Variants in PTPRN2 observed in about 807,000 individuals in gnomAD.
PTPRN2 encodes protein tyrosine phosphatase receptor type N2, also known as receptor-type tyrosine-protein phosphatase N2.
A neutral mutation model predicts 118.8 loss-of-function variants in PTPRN2; 74 were observed. That is an observed-to-expected ratio of 0.62 (90% CI 0.52 to 0.76). The LOEUF (loss-of-function observed/expected upper bound fraction) is 0.76. PTPRN2 is among the 30% of genes least tolerant of loss of function. PTPRN2 has a pLI of 0.00. For missense variants in PTPRN2, 1,481 were observed against 1,394.4 expected, an observed-to-expected ratio of 1.06 and a Z score of -0.99; for synonymous variants, 641 against 608.0, an observed-to-expected ratio of 1.05 and a Z score of -0.80.
intron 2 of PTPRN2, among the ~76,000 whole-genome samples, chr7:158,325,719 C>T (rs1803450324): frequency 6.6e-6 from 1 of 152,110 alleles, no homozygotes; most frequent in Non-Finnish European, 1.5e-5. Flanking sequence ...GAGAGACACC[C>T]GGCAAACCAC....
At chr7:157,605,404 C>T (rs188960173) in intron 15 of PTPRN2, among the ~76,000 whole-genome samples, 89 of 152,342 alleles carry the variant, frequency 5.8e-4, no homozygotes, top group African/African-American at 2.0e-3. Context: ...GGCCTAGCTC[C>T]GGGAGCTCCC....
At chr7:157,949,048 G>A (rs965606771) in intron 11 of PTPRN2, among the ~76,000 whole-genome samples, 2 of 152,198 alleles carry the variant, frequency 1.3e-5, no homozygotes, top group Admixed American at 1.3e-4. Context: ...GGGGGCGGGT[G>A]TCTTAGAACC....
chr7:158,027,265 G>C (rs1302267883), intron 11 of PTPRN2: 2 of 152,362 alleles, frequency 1.3e-5, no homozygotes, highest in East Asian at 3.9e-4. Context: ...AAGCCACCTC[G>C]TCTCCTGGCT....
At chr7:158,078,905 T>TGA (rs200358786) in intron 11 of PTPRN2, among the ~76,000 whole-genome samples, 1,830 of 152,332 alleles carry the variant, frequency 0.012, 20 homozygotes, top group East Asian at 0.058. Context: ...TGGAGTCCAG[T>TGA]GATGCAATCT....
At chr7:158,192,656 G>A (rs535853921) in intron 4 of PTPRN2, among the ~76,000 whole-genome samples, 161 bp from the exon 5 acceptor site, 163 of 152,246 alleles carry the variant, frequency 1.1e-3, no homozygotes, top group African/African-American at 3.7e-3. Context: ...AACTTCTCCC[G>A]GGCCCCCGAG....
intron 12 of PTPRN2, among the ~76,000 whole-genome samples, chr7:157,710,712 G>A (rs1044044521): frequency 2.0e-5 from 3 of 152,212 alleles, no homozygotes; most frequent in Non-Finnish European, 4.4e-5. Flanking sequence ...GGTGCCTACT[G>A]CCTGCCGCCT....
At chr7:158,430,857 C>G (rs1816117451) in intron 2 of PTPRN2, among the ~76,000 whole-genome samples, 1 of 152,212 alleles carries the variant, frequency 6.6e-6, no homozygotes, top group Non-Finnish European at 1.5e-5. Flanking sequence ...GAAGAGCCCC[C>G]CACACTCTCA....
In PTPRN2 at chr7:157,576,619, A is replaced by T; in HGVS notation, c.2777T>A (p.Phe926Tyr). The T allele has an allele frequency of 6.2e-7, 1 of 1,610,030 alleles. No individual in the cohort carries two copies. Among genetic ancestry groups the T allele is most frequent in the South Asian group, 1.1e-5 (1 of 90,340 alleles). The part of the protein sequence containing the change: ...VPSSSRSLLD[F>Y]RRKVNKCYRG... ...GGCGGGCCGCGCGTCATACCTGCGGAAGTCCAGGAGGGACCTTGAGGAGGA... is the reference window on the plus strand; with the variant it reads ...GGCGGGCCGCGCGTCATACCTGCGGTAGTCCAGGAGGGACCTTGAGGAGGA... The change falls in exon 19 of 23, where the codon TTC (phenylalanine) becomes TAC (tyrosine). Residue 926 changes from phenylalanine to tyrosine, a missense_variant. Physicochemically the swap from Phe to Tyr is conservative, Grantham distance 22. This residue lies in a region of PTPRN2 where 362 missense variants were observed against 384.1 expected (regional missense o/e 0.94). Transcript: ENST00000389418.
intron 3 of PTPRN2, among the ~76,000 whole-genome samples, chr7:158,311,854 CACA>C (rs1206964194): frequency 1.3e-5 from 2 of 150,522 alleles, no homozygotes; most frequent in African/African-American, 4.9e-5. Context: ...CACACACACT[CACA>C]TGCTCATGTG....
chr7:157,726,392 T>C (rs201167702), intron 12 of PTPRN2, among the ~76,000 whole-genome samples: 1 of 123,198 alleles, frequency 8.1e-6, no homozygotes. Context: ...CAGAGGAGTG[T>C]GGCCAGACCC....
intron 12 of PTPRN2, among the ~76,000 whole-genome samples, chr7:157,705,415 T>C (rs567253091): frequency 3.9e-5 from 6 of 152,328 alleles, no homozygotes; most frequent in African/African-American, 1.4e-4. Context: ...AGGCAGGGTA[T>C]GAATTGAGTG....
chr7:158,438,706 C>G lies in PTPRN2; in HGVS notation c.163+51029G>C, dbSNP rs1816762637. Reference sequence around the variant, plus strand: ...TGTGAAAATACACTTTAGGCTGATGCCCAGCTGATTAGCATATAGGGTTTA... The same window carrying G: ...TGTGAAAATACACTTTAGGCTGATGGCCAGCTGATTAGCATATAGGGTTTA... On this transcript the variant is annotated intron_variant, in intron 2 of 22. Transcript: ENST00000389418. This position sits in a 1 kb window ranked among gnomAD's most constrained non-coding sequence, Gnocchi z 4.7. Among the ~76,000 whole-genome samples, 1 of 152,186 alleles carries G rather than the reference C, an allele frequency of 6.6e-6. No individual in the cohort carries two copies.
chr7:158,164,287 G>C (rs771525268), intron 6 of PTPRN2, among the ~76,000 whole-genome samples: 1 of 150,976 alleles, frequency 6.6e-6, no homozygotes, highest in Admixed American at 6.6e-5. Context: ...GAGCGCGTGC[G>C]TAGGAAGGGC....
chr7:157,795,394 C>G (rs1804807643), intron 12 of PTPRN2, among the ~76,000 whole-genome samples: 1 of 152,256 alleles, frequency 6.6e-6, no homozygotes, highest in African/African-American at 2.4e-5. Context: ...CATGGGGCCT[C>G]AGCACCGTCT....
rs1157027832 is a variant in PTPRN2, at chr7:158,003,248, AC to A, written c.1723+78049del. Among the ~76,000 whole-genome samples, 1 of 151,656 alleles carries A rather than the reference AC, an allele frequency of 6.6e-6. No individual in the cohort carries two copies. The highest frequency in any genetic ancestry group is 2.4e-5 in the African/African-American group (1 of 41,256). On this transcript the variant is annotated intron_variant, in intron 11 of 22. Transcript: ENST00000389418. This position sits in a 1 kb window ranked among gnomAD's most constrained non-coding sequence, Gnocchi z 5.0. ...GCTAACACGGTGAAACCCCGTTTCT[AC>A]TAAAAATACAAAAAATTAGCCGGGC... is the stretch of plus-strand genomic sequence containing the variant.
At chr7:158,267,346 T>C (rs11763648) in intron 3 of PTPRN2, among the ~76,000 whole-genome samples, 35,530 of 151,894 alleles carry the variant, frequency 0.23, 4,389 homozygotes, top group Middle Eastern at 0.31. Flanking sequence ...CACAGCAACC[T>C]TGTTAGAAGG....
At chr7:158,564,518 C>T (rs1827561208) in intron 1 of PTPRN2, among the ~76,000 whole-genome samples, 2 of 152,274 alleles carry the variant, frequency 1.3e-5, no homozygotes, top group African/African-American at 4.8e-5. Context: ...GCTCCTGAAG[C>T]ATGGAACCAA....
At position 157,909,390 on chromosome 7, in the gene PTPRN2, G is replaced by A. The variant is rs59648049; in HGVS notation, c.1724-10653C>T. 7.9e-5 allele frequency among the ~76,000 whole-genome samples: 12 copies of A among 152,324 alleles called. No homozygotes were observed. In the South Asian group the frequency reaches 8.3e-4, roughly 11 times the overall value. ...ACAGGGGCTGACTCTATACACTGGG[G>A]GGGGGAGGATGCTGGCCACTCAACA... is the stretch of plus-strand genomic sequence containing the variant. On this transcript the variant is annotated intron_variant, in intron 11 of 22. Transcript: ENST00000389418.
chr7:158,301,843 G>A (rs191268940), intron 3 of PTPRN2, among the ~76,000 whole-genome samples: 60 of 152,294 alleles, frequency 3.9e-4, no homozygotes, highest in African/African-American at 1.4e-3. Context: ...TCAACTACTT[G>A]GGAGGCTGAG....
Sources: gnomAD v4.1 joint callset for allele counts (sites outside exome capture counted in the v4.1 genomes callset) on GRCh38, gnomAD v4.1.1 for gene constraint, gnomAD v4.1.1 regional missense constraint, Gnocchi (gnomAD v3.1) non-coding constraint, MANE v1.5 for transcripts, NCBI Gene and HGNC (gene_info 2026-07-23, HGNC 2026-07-21) for gene names.